BAALC: variants seen among roughly 807,000 people sequenced by gnomAD.
BAALC encodes BAALC binder of MAP3K1 and KLF4, also known as brain and acute leukemia cytoplasmic protein.
BAALC carries 9 observed loss-of-function variants against 15.5 expected under a neutral mutation model. The ratio of observed to expected loss-of-function variants is 0.58; its 90% CI spans 0.35 to 1.02. The LOEUF is 1.02. Among genes scored for constraint, BAALC ranks in the 50% least tolerant of loss-of-function variants. BAALC has a pLI of 0.02. For missense variants in BAALC, 201 were observed against 192.4 expected, an observed-to-expected ratio of 1.04 and a Z score of -0.27; for synonymous variants, 80 against 74.6, an observed-to-expected ratio of 1.07 and a Z score of -0.37.
chr8:103,155,431 C>T (rs1811070749), intron 1 of BAALC, among the ~76,000 whole-genome samples: 1 of 152,114 alleles, frequency 6.6e-6, no homozygotes, highest in Non-Finnish European at 1.5e-5. Flanking sequence ...CAGCTGATGC[C>T]CTGGGGAGCT....
intron 1 of BAALC, among the ~76,000 whole-genome samples, chr8:103,182,224 G>C (rs1482914823): frequency 1.3e-5 from 2 of 152,208 alleles, no homozygotes; most frequent in Admixed American, 1.3e-4. Flanking sequence ...TGAGGCTCCA[G>C]CCAGCTCCCT....
chr8:103,162,151 G>A (rs1811241298), intron 1 of BAALC, among the ~76,000 whole-genome samples: 1 of 151,670 alleles, frequency 6.6e-6, no homozygotes, highest in Non-Finnish European at 1.5e-5. Flanking sequence ...TCATAGAGAT[G>A]GGGTTTTGCC....
chr8:103,163,185 G>A (rs1811267295), intron 1 of BAALC, among the ~76,000 whole-genome samples: 3 of 151,916 alleles, frequency 2.0e-5, no homozygotes, highest in South Asian at 4.2e-4. Context: ...TTCCACCTCT[G>A]ATTATGTCTT....
intron 1 of BAALC, among the ~76,000 whole-genome samples, chr8:103,202,239 T>C (rs1192734564): frequency 1.3e-5 from 2 of 152,174 alleles, no homozygotes; most frequent in Non-Finnish European, 2.9e-5. Context: ...AGAATGTGAT[T>C]ATAATTGAAG....
At chr8:103,188,575 T>C (rs1015454682) in intron 1 of BAALC, among the ~76,000 whole-genome samples, 3 of 152,190 alleles carry the variant, frequency 2.0e-5, no homozygotes, top group Non-Finnish European at 2.9e-5. Flanking sequence ...AATTTTGTGT[T>C]TTAGGAAGTC....
At chr8:103,201,291 T>A (rs1187701747) in intron 1 of BAALC, among the ~76,000 whole-genome samples, 1 of 152,194 alleles carries the variant, frequency 6.6e-6, no homozygotes, top group Non-Finnish European at 1.5e-5. Flanking sequence ...AGGGGCATTA[T>A]GATTCTGAGG....
At chr8:103,207,586 A>G (rs1209858741) in intron 1 of BAALC, among the ~76,000 whole-genome samples, 2 of 152,204 alleles carry the variant, frequency 1.3e-5, no homozygotes, top group African/African-American at 4.8e-5. Context: ...AGAGAGGGGA[A>G]GAAGCCTTTC....
rs1812350680 is a variant in BAALC, at chr8:103,207,234, TA to T, written c.161-5683del. ...TAGTTCTTAGCTGTGATTAATTCTG[TA>T]ATGAAAGACAGATTAATAAGATAAA... On this transcript the variant is annotated intron_variant, in intron 1 of 2. Coordinates refer to ENST00000309982, the MANE Select transcript of BAALC (RefSeq NM_024812.3). Among the ~76,000 whole-genome samples, 4 of 152,180 alleles carry T rather than the reference TA, an allele frequency of 2.6e-5. No homozygotes were observed. The South Asian group carries it at 8.3e-4, about 31-fold the overall frequency.
chr8:103,167,263 G>A (rs569433029), intron 1 of BAALC, among the ~76,000 whole-genome samples: 385 of 152,224 alleles, frequency 2.5e-3, no homozygotes, highest in Non-Finnish European at 4.7e-3. Context: ...TGTAGGGTGC[G>A]CTTTCAAAGT....
intron 1 of BAALC, among the ~76,000 whole-genome samples, chr8:103,145,451 T>A (rs1810860109): frequency 6.6e-6 from 1 of 152,234 alleles, no homozygotes; most frequent in African/African-American, 2.4e-5. Context: ...CTAAATACAC[T>A]ACTCGGTTTG....
intron 1 of BAALC, among the ~76,000 whole-genome samples, chr8:103,194,788 A>C (rs749667236): frequency 5.3e-5 from 8 of 152,174 alleles, no homozygotes; most frequent in Non-Finnish European, 1.0e-4. Flanking sequence ...GAAGAGACAA[A>C]GGGCAAAAAG....
At chr8:103,205,043 T>C (rs577074948) in intron 1 of BAALC, among the ~76,000 whole-genome samples, 1 of 152,318 alleles carries the variant, frequency 6.6e-6, no homozygotes, top group African/African-American at 2.4e-5. Context: ...CCATATTGAT[T>C]GCCAATGTCT....
intron 1 of BAALC, among the ~76,000 whole-genome samples, chr8:103,146,989 T>A (rs1440189373): frequency 1.3e-5 from 2 of 152,230 alleles, no homozygotes; most frequent in African/African-American, 4.8e-5. Context: ...CTCTAGTTAG[T>A]CTGTGAGCTC....
chr8:103,206,395 G>A (rs1046176823), intron 1 of BAALC, among the ~76,000 whole-genome samples: 1 of 152,092 alleles, frequency 6.6e-6, no homozygotes, highest in African/African-American at 2.4e-5. Context: ...TTTTCTTGCT[G>A]AGAGATTTTC....
At position 103,160,902 on chromosome 8, in the gene BAALC, G is replaced by T. The variant is rs561947136; in HGVS notation, c.160+19845G>T. Among the ~76,000 whole-genome samples, 12 of 152,168 alleles carry T rather than the reference G, an allele frequency of 7.9e-5. No homozygotes were observed. In the South Asian group the frequency reaches 2.3e-3, roughly 29 times the overall value. The stretch of plus-strand genomic sequence containing the variant: ...TGGTGCCCACCCAGATTAAGGGTGG[G>T]TCTGCCTTCCCCAGCCCACTGACTC... On this transcript the variant is annotated intron_variant, in intron 1 of 2. Transcript: ENST00000309982.
intron 2 of BAALC, among the ~76,000 whole-genome samples, chr8:103,226,968 A>G (rs908303231): frequency 2.0e-5 from 3 of 152,228 alleles, no homozygotes; most frequent in Non-Finnish European, 2.9e-5. Context: ...TCCAAAGCTC[A>G]AACACTTAAC....
At chr8:103,197,818 G>A (rs967206155) in intron 1 of BAALC, among the ~76,000 whole-genome samples, 5 of 152,266 alleles carry the variant, frequency 3.3e-5, no homozygotes, top group Non-Finnish European at 7.3e-5. Context: ...CATCATCAAA[G>A]GGATGGTGCT....
intron 1 of BAALC, among the ~76,000 whole-genome samples, chr8:103,209,223 T>C (rs536508988): frequency 6.6e-6 from 1 of 151,908 alleles, no homozygotes; most frequent in African/African-American, 2.4e-5. Flanking sequence ...AATACAAAAA[T>C]TAGCTGGGTG....
At chr8:103,224,687 G>T (rs576887810) in intron 2 of BAALC, among the ~76,000 whole-genome samples, 30 of 151,654 alleles carry the variant, frequency 2.0e-4, no homozygotes, top group South Asian at 1.5e-3. Flanking sequence ...AAGGAAGGAA[G>T]GAAAAAAAAG....
Sources: gnomAD v4.1 joint callset for allele counts (sites outside exome capture counted in the v4.1 genomes callset) on GRCh38, gnomAD v4.1.1 for gene constraint, MANE v1.5 for transcripts, NCBI Gene and HGNC (gene_info 2026-07-23, HGNC 2026-07-21) for gene names.